The following ABCB6 variants were observed in gnomAD, a reference collection of about 807,000 sequenced individuals.
The protein encoded by ABCB6 is ATP binding cassette subfamily B member 6 (LAN blood group), also known as ATP-binding cassette sub-family B member 6.
In ABCB6, 87 loss-of-function variants were observed where a neutral mutation model predicts 99.4. The observed-to-expected ratio is 0.88, with a 90% CI of 0.74 to 1.05. ABCB6 has a LOEUF of 1.05. Ranked by LOEUF, ABCB6 falls within the 50% of genes least tolerant of loss-of-function variation. The pLI, the probability that ABCB6 is intolerant of heterozygous loss-of-function variation, is 0.00. For synonymous variants in ABCB6, 482 were observed against 447.5 expected (o/e 1.08, Z -0.97); for missense variants, 1,050 against 1,097.9 (o/e 0.96, Z 0.62).
rs1292589010 is a variant in ABCB6, at chr2:219,215,353, GC to G, written c.1155-272del. ...TTAATAAGCAACTCTGAGAATGATG[GC>G]TATGTCACAATACCATTTGTTTTAG... On this transcript the variant is annotated intron_variant, in intron 5 of 18. Transcript: ENST00000265316. The G allele has an allele frequency of 8.7e-5, 34 of 391,778 alleles. No individual in the cohort carries two copies. In the East Asian group the frequency reaches 1.7e-3, roughly 20 times the overall value. 24.3% of individuals were successfully genotyped at this position (391,778 alleles called of 1,614,324 possible). A position where few individuals can be genotyped will look rare whatever the true frequency, so the allele number is the denominator to read the frequency against.
chr2:219,210,655 A>G, intron 16 of ABCB6, 56 bp downstream of exon 16: 1 of 1,609,880 alleles, frequency 6.2e-7, no homozygotes, highest in Non-Finnish European at 8.5e-7. Flanking sequence ...AGTGCCCAGG[A>G]GGAACGGCTT....
At chr2:219,211,375 C>T (rs1950577274) in intron 14 of ABCB6, among the ~76,000 whole-genome samples, 1 of 152,184 alleles carries the variant, frequency 6.6e-6, no homozygotes, top group Admixed American at 6.5e-5. Context: ...AAAATCTCGG[C>T]TTACTGCAGC....
chr2:219,215,740 C>CA, intron 5 of ABCB6: 3 of 354,062 alleles, frequency 8.5e-6, no homozygotes, highest in Non-Finnish European at 1.5e-5. Flanking sequence ...GACCCTGTCT[C>CA]AAAAAAAGAG....
In ABCB6 at chr2:219,216,959, T is replaced by C; in HGVS notation, c.688-127A>G. On this transcript the variant is annotated intron_variant, in intron 2 of 18. Coordinates refer to ENST00000265316, the MANE Select transcript of ABCB6 (RefSeq NM_005689.4). This position sits in a 1 kb window ranked among gnomAD's most constrained non-coding sequence, Gnocchi z 4.2. ...TCTCAGACCCACAAGTGATCCTTGATGGGGTCAGAAAAACTAAGTTGCAAA... is the reference window on the plus strand; with the variant it reads ...TCTCAGACCCACAAGTGATCCTTGACGGGGTCAGAAAAACTAAGTTGCAAA... 3 of 803,128 alleles carry C rather than the reference T, an allele frequency of 3.7e-6. No individual in the cohort carries two copies. The highest frequency in any genetic ancestry group is 5.7e-6 in the Non-Finnish European group (3 of 527,572). The allele number at this position is 803,128 out of a possible 1,614,324, so 49.8% of individuals were successfully genotyped here. A position where few individuals can be genotyped will look rare whatever the true frequency, so the allele number is the denominator to read the frequency against.
Position 219,218,735 on chromosome 2 carries a change from A to T in ABCB6, c.-62T>A, listed in dbSNP as rs542600658. The T allele has an allele frequency of 5.3e-5, 78 of 1,463,904 alleles. 1 individual carries two copies. In the East Asian group the frequency reaches 1.9e-3, roughly 35 times the overall value. The allele number at this position is 1,463,904 out of a possible 1,614,324, so 90.7% of individuals were successfully genotyped here. A position where few individuals can be genotyped will look rare whatever the true frequency, so the allele number is the denominator to read the frequency against. On this transcript the variant is annotated 5_prime_UTR_variant, in exon 1 of 19. An upstream open reading frame in the 5' UTR loses its in-frame stop. Coordinates refer to ENST00000265316, the MANE Select transcript of ABCB6 (RefSeq NM_005689.4). ...GCGGGACCGGAGGCCGGGACTGGTC[A>T]CTCGGAGAGGGGCGCGGACATCCGG...
Position 219,209,936 on chromosome 2 carries a change from T to C in ABCB6, c.*2A>G, listed in dbSNP as rs145339431. The C allele has an allele frequency of 3.7e-4, 598 of 1,613,738 alleles. 1 individual carries two copies. In the African/African-American group the frequency reaches 7.2e-3, roughly 19 times the overall value. On this transcript the variant is annotated 3_prime_UTR_variant, in exon 19 of 19. Transcript: ENST00000265316. ...TTTGAGAGGGAAGTGGCCAAACTTT[T>C]GTCACCGTTCCATGGTCTGAGGCTT...
intron 13 of ABCB6, 66 bp downstream of exon 13, chr2:219,212,942 G>T: frequency 6.4e-7 from 1 of 1,557,566 alleles, no homozygotes; most frequent in Non-Finnish European, 8.8e-7. Flanking sequence ...TGGGTCACAA[G>T]CTACCATGGG....
rs926751780 is a variant in ABCB6 at position 219,218,634 on chromosome 2, C to T, written c.40G>A (p.Val14Met). ...VGNYCEAEGP[V>M]GPAWMQDGLS... is the part of the protein sequence containing the mutation. Reference sequence around the variant, plus strand: ...CCATCCTGCATCCAGGCCGGACCCACGGGCCCTTCGGCCTCGCAGTAGTTG... The same window carrying T: ...CCATCCTGCATCCAGGCCGGACCCATGGGCCCTTCGGCCTCGCAGTAGTTG... Residue 14 changes from valine (V) to methionine (M), a missense_variant, in exon 1 of 19, where the codon GTG becomes ATG. Coordinates refer to ENST00000265316, the MANE Select transcript of ABCB6 (RefSeq NM_005689.4). 6.3e-7 allele frequency: 1 copy of T among 1,599,918 alleles called. No individual in the cohort carries two copies. Among genetic ancestry groups the T allele is most frequent in the Non-Finnish European group, 8.5e-7 (1 of 1,174,332 alleles).
chr2:219,212,543 G>A (rs933383732), intron 13 of ABCB6, 52 bp from the exon 14 acceptor site: 1 of 1,405,328 alleles, frequency 7.1e-7, no homozygotes, highest in African/African-American at 1.4e-5. Flanking sequence ...TTTTTTTTGA[G>A]ACCGAATCTC....
In ABCB6 at chr2:219,212,996, G is replaced by A. The variant is rs754351332; in HGVS notation, c.1863+12C>T. 1.2e-6 allele frequency: 2 copies of A among 1,613,776 alleles called. No homozygotes were observed. Among genetic ancestry groups the A allele is most frequent in the East Asian group, 2.2e-5 (1 of 44,880 alleles). On this transcript the variant is annotated intron_variant, in intron 13 of 18. Transcript: ENST00000265316. ...TGAGGCATCTGGGCCAAGTGGCTGG[G>A]TCTCCTCTCACCAGGGCAAGTGTCT... is the stretch of plus-strand genomic sequence containing the variant.
At chr2:219,214,859 T>C in intron 6 of ABCB6, 102 bp downstream of exon 6, 1 of 1,432,228 alleles carries the variant, frequency 7.0e-7, no homozygotes, top group Non-Finnish European at 9.6e-7. Flanking sequence ...AGTCCACCAA[T>C]CCACAGCCTC....
chr2:219,209,833 T>C lies in ABCB6; in HGVS notation c.*105A>G, dbSNP rs1377363204. ...TCGGAAAGGTCCCTTTCCCTTACCA[T>C]AGCTAGCACCATACCCCAAGACCAG... On this transcript the variant is annotated 3_prime_UTR_variant, in exon 19 of 19. Transcript: ENST00000265316. The C allele has an allele frequency of 7.8e-6, 7 of 894,214 alleles. No individual in the cohort carries two copies. Among genetic ancestry groups the C allele is most frequent in the Non-Finnish European group, 1.3e-5 (7 of 539,280 alleles). The allele number at this position is 894,214 out of a possible 1,614,324, so 55.4% of individuals were successfully genotyped here.
chr2:219,212,226 C>G (rs1278002875), intron 14 of ABCB6, among the ~76,000 whole-genome samples, 161 bp downstream of exon 14: 2 of 152,110 alleles, frequency 1.3e-5, no homozygotes, highest in African/African-American at 2.4e-5. Context: ...CCATACAAAT[C>G]CTTAACATGA....
At position 219,216,818 on chromosome 2, in the gene ABCB6, G is replaced by A. The variant is rs751231335; in HGVS notation, c.702C>T (p.Ala234=). The change falls in exon 3 of 19, where the codon GCC becomes GCT. Residue 234 remains alanine (A), a synonymous_variant. Transcript: ENST00000265316. This position sits in a 1 kb window ranked among gnomAD's most constrained non-coding sequence, Gnocchi z 4.2. ...CAAAATCTCGCCAGGTAGACTGTTGGGCTGCTGACCGAACCTAGGATGGTG... is the reference window on the plus strand; with the variant it reads ...CAAAATCTCGCCAGGTAGACTGTTGAGCTGCTGACCGAACCTAGGATGGTG... ...DVERSQVRSA[A]QQSTWRDFGR... 3.1e-6 allele frequency: 5 copies of A among 1,612,510 alleles called. No individual in the cohort carries two copies. In the South Asian group the frequency reaches 5.5e-5, roughly 18 times the overall value.
intron 6 of ABCB6, 75 bp downstream of exon 6, chr2:219,214,886 T>G (rs965769523): frequency 6.3e-7 from 1 of 1,585,998 alleles, no homozygotes; most frequent in East Asian, 2.2e-5. Context: ...GTGGGTCACT[T>G]GAGTGGGGGC....
Position 219,218,702 on chromosome 2 carries a change from C to A in ABCB6, c.-29G>T. 2 of 1,518,306 alleles carry A rather than the reference C, an allele frequency of 1.3e-6. No homozygotes were observed. The highest frequency in any genetic ancestry group is 1.8e-6 in the Non-Finnish European group (2 of 1,132,368). 94.1% of individuals were successfully genotyped at this position (1,518,306 alleles called of 1,614,324 possible). ...AATGCGTGGACGCCGGCCGAGGCTG[C>A]GGGCACTGCGGGACCGGAGGCCGGG... is the stretch of plus-strand genomic sequence containing the variant. On this transcript the variant is annotated 5_prime_UTR_variant, in exon 1 of 19. Coordinates refer to ENST00000265316, the MANE Select transcript of ABCB6 (RefSeq NM_005689.4).
In ABCB6 at chr2:219,213,077, G is replaced by A. The variant is rs1306508670; in HGVS notation, c.1806-12C>T. ...GCAGAGTCTCCCGCCTGCAAGGAAA[G>A]GTGGGGTTGCTCAGCAGGCACCTTC... is the stretch of plus-strand genomic sequence containing the variant. On this transcript the variant is annotated splice_polypyrimidine_tract_variant and intron_variant, in intron 12 of 18. Transcript: ENST00000265316. 1 of 1,613,620 alleles carries A rather than the reference G, an allele frequency of 6.2e-7. No homozygotes were observed. The highest frequency in any genetic ancestry group is 1.1e-5 in the South Asian group (1 of 91,002).
Position 219,216,349 on chromosome 2 carries a change from C to G in ABCB6, c.970+15G>C, listed in dbSNP as rs766946467. The G allele has an allele frequency of 1.9e-5, 30 of 1,608,790 alleles. No homozygotes were observed. The highest frequency in any genetic ancestry group is 2.5e-5 in the Non-Finnish European group (29 of 1,175,280). ...GGACCTATACCTAGCAGGGTGAGGG[C>G]GGAGTCTCTCATACCTGTACTGCCA... On this transcript the variant is annotated intron_variant, in intron 4 of 18. Coordinates refer to ENST00000265316, the MANE Select transcript of ABCB6 (RefSeq NM_005689.4). This position sits in a 1 kb window ranked among gnomAD's most constrained non-coding sequence, Gnocchi z 4.2.
In ABCB6 at chr2:219,216,849, C is replaced by T. The variant is rs367621584; in HGVS notation, c.688-17G>A. The T allele has an allele frequency of 1.1e-5, 17 of 1,601,510 alleles. No homozygotes were observed. Among genetic ancestry groups the T allele is most frequent in the African/African-American group, 1.3e-5 (1 of 74,512 alleles). ...TGACCGAACCTAGGATGGTGAAACA[C>T]GTAGGAAGGGAGCTCAGAAATCAAG... On this transcript the variant is annotated splice_polypyrimidine_tract_variant and intron_variant, in intron 2 of 18. Transcript: ENST00000265316. This position sits in a 1 kb window ranked among gnomAD's most constrained non-coding sequence, Gnocchi z 4.2.
Sources: allele counts gnomAD v4.1 joint callset (sites outside exome capture counted in the v4.1 genomes callset), GRCh38; gene constraint gnomAD v4.1.1; non-coding constraint Gnocchi (gnomAD v3.1); transcripts MANE v1.5; gene names NCBI Gene and HGNC (gene_info 2026-07-23, HGNC 2026-07-21).